PTPRM: variants seen among roughly 807,000 people sequenced by gnomAD.
PTPRM encodes the protein receptor-type tyrosine-protein phosphatase mu.
A neutral mutation model predicts 186.7 loss-of-function variants in PTPRM; 47 were observed. The ratio of observed to expected loss-of-function variants is 0.25; its 90% CI spans 0.20 to 0.32. The LOEUF (loss-of-function observed/expected upper bound fraction) is 0.32, where lower values mean the gene tolerates loss of function less well. PTPRM is among the 10% of genes least tolerant of loss of function. PTPRM has a pLI of 1.00. For synonymous variants in PTPRM, 668 were observed against 674.9 expected (o/e 0.99, Z 0.16); for missense variants, 1,494 against 1,865.0 (o/e 0.80, Z 3.66).
At chr18:7,602,938 T>TATG (rs1555637272) in intron 1 of PTPRM, among the ~76,000 whole-genome samples, 2 of 143,750 alleles carry the variant, frequency 1.4e-5, no homozygotes, top group African/African-American at 5.2e-5. Context: ...TTATTATTAT[T>TATG]ATTATTTGAG....
intron 7 of PTPRM, among the ~76,000 whole-genome samples, chr18:8,057,546 G>A (rs901492713): frequency 1.5e-5 from 2 of 133,510 alleles, no homozygotes; most frequent in African/African-American, 5.9e-5. Context: ...CTGGTGCGCT[G>A]CACCCACTAA....
intron 13 of PTPRM, among the ~76,000 whole-genome samples, chr18:8,140,698 A>G (rs1223423514): frequency 6.6e-6 from 1 of 152,106 alleles, no homozygotes; most frequent in African/African-American, 2.4e-5. Flanking sequence ...GGCCTAGATA[A>G]TATCCACTGA....
chr18:8,283,445 A>G (rs2094925317), intron 19 of PTPRM, among the ~76,000 whole-genome samples: 1 of 152,202 alleles, frequency 6.6e-6, no homozygotes, highest in African/African-American at 2.4e-5. Context: ...TCAGTTTGAA[A>G]GATGCTGGGG....
chr18:8,244,295 A>AAT lies in PTPRM; in HGVS notation c.2452+87_2452+88insTA. 2.2e-6 allele frequency: 3 copies of AAT among 1,338,278 alleles called. No individual in the cohort carries two copies. The South Asian group carries it at 5.4e-5, about 24-fold the overall frequency. 82.9% of individuals were successfully genotyped at this position (1,338,278 alleles called of 1,614,324 possible). ...GTACTAGGGGATTTCAAAAAAAAAA[A>AAT]AAGCTTCCTGAAGAAATTTTTATGC... On this transcript the variant is annotated intron_variant, in intron 15 of 32. Coordinates refer to ENST00000580170, the MANE Select transcript of PTPRM (RefSeq NM_001105244.2).
At chr18:7,672,630 A>G (rs2039243706) in intron 1 of PTPRM, among the ~76,000 whole-genome samples, 1 of 152,222 alleles carries the variant, frequency 6.6e-6, no homozygotes, top group Admixed American at 6.5e-5. Context: ...TAGTCCTCTA[A>G]TTTGAGGCAG....
intron 20 of PTPRM, among the ~76,000 whole-genome samples, chr18:8,309,168 A>AC (rs1336230570): frequency 6.6e-6 from 1 of 152,252 alleles, no homozygotes; most frequent in Non-Finnish European, 1.5e-5. Context: ...CAAGATGCAC[A>AC]CAGTATCCAT....
chr18:8,050,988 C>T (rs923269741), intron 7 of PTPRM, among the ~76,000 whole-genome samples: 1 of 152,144 alleles, frequency 6.6e-6, no homozygotes, highest in Admixed American at 6.5e-5. Context: ...GCCTGAGGCT[C>T]AGCTTTTAGG....
chr18:7,876,137 TGC>T (rs2048231727), intron 2 of PTPRM, among the ~76,000 whole-genome samples: 1 of 145,972 alleles, frequency 6.9e-6, no homozygotes, highest in Admixed American at 6.7e-5. Flanking sequence ...TGTGTGTGTG[TGC>T]ATGTGTGTGT....
At chr18:7,966,496 C>T (rs925446726) in intron 7 of PTPRM, among the ~76,000 whole-genome samples, 3 of 151,948 alleles carry the variant, frequency 2.0e-5, no homozygotes, top group South Asian at 2.1e-4. Flanking sequence ...CAGCTCCCAG[C>T]GTGAGCGACG....
At chr18:7,674,958 G>A (rs2039301678) in intron 1 of PTPRM, among the ~76,000 whole-genome samples, 2 of 152,294 alleles carry the variant, frequency 1.3e-5, no homozygotes, top group Middle Eastern at 3.4e-3. Flanking sequence ...TTTAGGCGCC[G>A]ACTCTTTCCT....
chr18:7,800,941 A>C (rs907580343), intron 2 of PTPRM, among the ~76,000 whole-genome samples: 6 of 152,132 alleles, frequency 3.9e-5, no homozygotes, highest in African/African-American at 1.4e-4. Context: ...CATGCAAGAT[A>C]AAAACGGCAC....
intron 22 of PTPRM, among the ~76,000 whole-genome samples, chr18:8,324,369 G>C (rs1211494024): frequency 1.3e-5 from 2 of 152,112 alleles, no homozygotes; most frequent in Admixed American, 1.3e-4. Context: ...TTGCATTCGT[G>C]CTGAAAAGTT....
intron 31 of PTPRM, among the ~76,000 whole-genome samples, chr18:8,389,641 T>G (rs879699997): frequency 6.6e-6 from 1 of 152,254 alleles, no homozygotes; most frequent in African/African-American, 2.4e-5. Flanking sequence ...AAGGTGGGCA[T>G]GAGACCTAGG....
At chr18:7,766,222 A>C (rs1247205050) in intron 1 of PTPRM, among the ~76,000 whole-genome samples, 1 of 152,174 alleles carries the variant, frequency 6.6e-6, no homozygotes, top group Non-Finnish European at 1.5e-5. Context: ...ACCCTTCTAA[A>C]CTGCCATTTG....
At position 7,739,283 on chromosome 18, in the gene PTPRM, G is replaced by A. The variant is rs141778102; in HGVS notation, c.74-34866G>A. Among the ~76,000 whole-genome samples, 995 of 152,264 alleles carry A rather than the reference G, an allele frequency of 6.5e-3. 15 individuals are homozygous for A. The highest frequency in any genetic ancestry group is 0.023 in the African/African-American group (970 of 41,542). On this transcript the variant is annotated intron_variant, in intron 1 of 32. Coordinates refer to ENST00000580170, the MANE Select transcript of PTPRM (RefSeq NM_001105244.2). ...GACAACTTCTCATGTAGTTGTAAGA[G>A]GATCAGCTTTGATGATTGCTTTCAG...
At chr18:7,972,496 G>GAAAAAAAAA (rs2054615616) in intron 7 of PTPRM, among the ~76,000 whole-genome samples, 1 of 94,320 alleles carries the variant, frequency 1.1e-5, no homozygotes, top group Non-Finnish European at 2.1e-5. Flanking sequence ...AAAAAAAAAG[G>GAAAAAAAAA]AGAGAAACAT....
At chr18:7,891,588 CG>C (rs1017908953) in intron 3 of PTPRM, among the ~76,000 whole-genome samples, 2 of 151,886 alleles carry the variant, frequency 1.3e-5, no homozygotes, top group African/African-American at 4.8e-5. Flanking sequence ...AGTGGGTGGC[CG>C]GGCGCAATGG....
intron 2 of PTPRM, among the ~76,000 whole-genome samples, chr18:7,870,682 A>G (rs2047938807): frequency 6.6e-6 from 1 of 152,206 alleles, no homozygotes; most frequent in Non-Finnish European, 1.5e-5. Flanking sequence ...TAAATATTAA[A>G]TCACCTGAAT....
At chr18:7,876,191 G>A (rs1353141177) in intron 2 of PTPRM, among the ~76,000 whole-genome samples, 2 of 151,618 alleles carry the variant, frequency 1.3e-5, no homozygotes, top group Non-Finnish European at 2.9e-5. Context: ...AACTCATTAG[G>A]TGATTTAAAA....
Sources: gnomAD v4.1 joint callset for allele counts (sites outside exome capture counted in the v4.1 genomes callset) on GRCh38, gnomAD v4.1.1 for gene constraint, MANE v1.5 for transcripts, NCBI Gene and HGNC (gene_info 2026-07-23, HGNC 2026-07-21) for gene names.